The following AP2A2 variants were observed in gnomAD, a reference collection of about 807,000 sequenced individuals.
AP2A2 encodes AP-2 complex subunit alpha-2.
Under a neutral mutation model 104.2 loss-of-function variants are expected in AP2A2, and 32 were observed. The observed-to-expected ratio is 0.31, with a 90% CI of 0.23 to 0.41. The LOEUF (loss-of-function observed/expected upper bound fraction) is 0.41, where lower values mean the gene tolerates loss of function less well. Among genes scored for constraint, AP2A2 ranks in the 10% least tolerant of loss-of-function variants. The pLI is 1.00. For synonymous variants in AP2A2, 539 were observed against 533.3 expected (o/e 1.01, Z -0.15); for missense variants, 912 against 1,261.0 (o/e 0.72, Z 4.19).
intron 2 of AP2A2, among the ~76,000 whole-genome samples, chr11:969,129 G>T (rs546894155): frequency 6.6e-6 from 1 of 150,884 alleles, no homozygotes; most frequent in Non-Finnish European, 1.5e-5. Flanking sequence ...CACCTTTCTC[G>T]CTCGCCTCCA....
At chr11:930,155 A>G (rs912381036) in intron 1 of AP2A2, among the ~76,000 whole-genome samples, 15 of 151,300 alleles carry the variant, frequency 9.9e-5, no homozygotes, top group African/African-American at 3.6e-4. Context: ...CCCTGTGCCA[A>G]GTATCTGAGG....
At chr11:936,033 C>T (rs915339551) in intron 1 of AP2A2, among the ~76,000 whole-genome samples, 34 of 151,166 alleles carry the variant, frequency 2.2e-4, no homozygotes, top group Middle Eastern at 3.4e-3. Flanking sequence ...TCCCGAGTAG[C>T]TGGGACTACA....
At position 988,600 on chromosome 11, in the gene AP2A2, G is replaced by A. The variant is rs966764407; in HGVS notation, c.1180G>A (p.Ala394Thr). 5.6e-6 allele frequency: 9 copies of A among 1,613,172 alleles called. No individual in the cohort carries two copies. Among genetic ancestry groups the A allele is most frequent in the East Asian group, 2.2e-5 (1 of 44,892 alleles). Reference sequence around the variant, plus strand: ...GCAGCGGGCCGTGGACCTCCTCTACGCCATGTGCGACCGCAGCAACGCCCC... The same window carrying A: ...GCAGCGGGCCGTGGACCTCCTCTACACCATGTGCGACCGCAGCAACGCCCC... ...VRQRAVDLLY[A>T]MCDRSNAPQI... Residue 394 changes from alanine to threonine, a missense_variant, in exon 10 of 22, where the codon GCC becomes ACC. Ala to Thr is a moderately conservative substitution (Grantham distance 58, BLOSUM62 0). This residue lies in a region of AP2A2 where 350 missense variants were observed against 487.0 expected (regional missense o/e 0.72). Coordinates refer to ENST00000448903, the MANE Select transcript of AP2A2 (RefSeq NM_012305.4).
intron 8 of AP2A2, among the ~76,000 whole-genome samples, chr11:985,905 G>C (rs1373079188): frequency 6.6e-6 from 1 of 152,210 alleles, no homozygotes; most frequent in Non-Finnish European, 1.5e-5. Flanking sequence ...GGGTGTGCGC[G>C]CATGTCCCGT....
chr11:998,234 T>TC (rs1232662241), intron 14 of AP2A2, among the ~76,000 whole-genome samples: 3 of 152,166 alleles, frequency 2.0e-5, no homozygotes, highest in African/African-American at 7.2e-5. Context: ...ACCCGTGTCG[T>TC]CTTCTCTTGC....
rs557538532 is a variant in AP2A2 at position 983,585 on chromosome 11, G to C, written c.706-1060G>C. ...TTTTTAGTAGAGATGGGGTTTCACTGTGTTAGCCAGGATGGTCTCGATCTC... is the reference window on the plus strand; with the variant it reads ...TTTTTAGTAGAGATGGGGTTTCACTCTGTTAGCCAGGATGGTCTCGATCTC... On this transcript the variant is annotated intron_variant, in intron 6 of 21. Coordinates refer to ENST00000448903, the MANE Select transcript of AP2A2 (RefSeq NM_012305.4). Among the ~76,000 whole-genome samples the C allele has an allele frequency of 2.6e-5, 4 of 151,900 alleles. No homozygotes were observed. The East Asian group carries it at 7.8e-4, about 30-fold the overall frequency.
intron 6 of AP2A2, among the ~76,000 whole-genome samples, chr11:983,393 TTTA>T (rs869282274): frequency 1.1e-3 from 164 of 151,496 alleles, no homozygotes; most frequent in Non-Finnish European, 1.5e-3. Context: ...TATTTATTTA[TTTA>T]TTTTGAGATG....
At chr11:961,770 C>T (rs539875549) in intron 2 of AP2A2, among the ~76,000 whole-genome samples, 5 of 132,714 alleles carry the variant, frequency 3.8e-5, no homozygotes, top group Non-Finnish European at 6.2e-5. Context: ...AAGTAAAGGG[C>T]GGAAGCAGAT....
Position 993,995 on chromosome 11 carries a change from C to CAGA in AP2A2, c.1782+10_1782+11insAGA, listed in dbSNP as rs1433354717. 1.2e-6 allele frequency: 2 copies of CAGA among 1,609,272 alleles called. No homozygotes were observed. The highest frequency in any genetic ancestry group is 8.5e-7 in the Non-Finnish European group (1 of 1,177,446). On this transcript the variant is annotated intron_variant, in intron 13 of 21. Coordinates refer to ENST00000448903, the MANE Select transcript of AP2A2 (RefSeq NM_012305.4). This position sits in a 1 kb window ranked among gnomAD's most constrained non-coding sequence, Gnocchi z 8.2. The stretch of plus-strand genomic sequence containing the variant: ...CAGCACCGACATTCTGGTAGGAGGC[C>CAGA]CCCGCCCTTCGGGCTGGCTTGGCTG...
At chr11:964,485 G>A (rs1013230316) in intron 2 of AP2A2, among the ~76,000 whole-genome samples, 2 of 152,172 alleles carry the variant, frequency 1.3e-5, no homozygotes, top group Non-Finnish European at 2.9e-5. Flanking sequence ...GAAAAAGCTT[G>A]ATGGGGTGTT....
At chr11:954,404 GTA>G (rs2134541013) in intron 1 of AP2A2, among the ~76,000 whole-genome samples, 1 of 152,164 alleles carries the variant, frequency 6.6e-6, no homozygotes, top group African/African-American at 2.4e-5. Flanking sequence ...GTACATGTGT[GTA>G]TTTGTGTGTG....
intron 2 of AP2A2, among the ~76,000 whole-genome samples, chr11:966,683 G>A (rs1854629141): frequency 6.6e-6 from 1 of 152,186 alleles, no homozygotes; most frequent in Non-Finnish European, 1.5e-5. Context: ...CTGCCCCCGA[G>A]GGTGTGAGCC....
At chr11:980,690 G>C (rs7394992) in intron 5 of AP2A2, among the ~76,000 whole-genome samples, 77,030 of 152,128 alleles carry the variant, frequency 0.51, 20,143 homozygotes, top group Middle Eastern at 0.66. Flanking sequence ...TATGGTGGTT[G>C]AGTGACTGCC....
intron 2 of AP2A2, among the ~76,000 whole-genome samples, chr11:961,518 C>T (rs1409197466): frequency 2.1e-5 from 3 of 144,318 alleles, no homozygotes; most frequent in East Asian, 2.1e-4. Flanking sequence ...GTCTGACAGT[C>T]GCCACCACCA....
intron 16 of AP2A2, among the ~76,000 whole-genome samples, chr11:1,005,898 T>C (rs1302099783): frequency 6.6e-6 from 1 of 152,242 alleles, no homozygotes; most frequent in Non-Finnish European, 1.5e-5. Context: ...ATTTGAGATT[T>C]CCTTTCTGAA....
At chr11:961,175 C>T (rs1409611214) in intron 2 of AP2A2, among the ~76,000 whole-genome samples, 1 of 147,050 alleles carries the variant, frequency 6.8e-6, no homozygotes, top group Non-Finnish European at 1.5e-5. Context: ...GTCTGACAGC[C>T]GCCGCCACCA....
chr11:986,727 T>C, intron 8 of AP2A2, 58 bp from the exon 9 acceptor site: 2 of 1,582,976 alleles, frequency 1.3e-6, no homozygotes, highest in Non-Finnish European at 1.7e-6. Context: ...GCAGACTCTG[T>C]CCAGTTTGTG....
rs866628925 is a variant in AP2A2, at chr11:943,865, A to G, written c.68-15572A>G. ...AGATGCAGGTGGCAGCGGAGATGGCAAGAGTAAGAGAGTCCCAACTGGAGA... is the reference window on the plus strand; with the variant it reads ...AGATGCAGGTGGCAGCGGAGATGGCGAGAGTAAGAGAGTCCCAACTGGAGA... On this transcript the variant is annotated intron_variant, in intron 1 of 21. Coordinates refer to ENST00000448903, the MANE Select transcript of AP2A2 (RefSeq NM_012305.4). 1.2e-3 allele frequency among the ~76,000 whole-genome samples: 149 copies of G among 124,986 alleles called. 3 individuals carry two copies. The highest frequency in any genetic ancestry group is 4.3e-3 in the African/African-American group (140 of 32,336). The allele number at this position is 124,986 out of a possible 152,430, so 82.0% of individuals were successfully genotyped here. A position where few individuals can be genotyped will look rare whatever the true frequency, so the allele number is the denominator to read the frequency against.
chr11:928,444 A>G (rs1853186731), intron 1 of AP2A2, among the ~76,000 whole-genome samples: 1 of 152,186 alleles, frequency 6.6e-6, no homozygotes, highest in Non-Finnish European at 1.5e-5. Context: ...TGGAACGTAT[A>G]CCTGTGGATA....
Sources: gnomAD v4.1 joint callset for allele counts (sites outside exome capture counted in the v4.1 genomes callset) on GRCh38, gnomAD v4.1.1 for gene constraint, gnomAD v4.1.1 regional missense constraint, Gnocchi (gnomAD v3.1) non-coding constraint, MANE v1.5 for transcripts, NCBI Gene and HGNC (gene_info 2026-07-23, HGNC 2026-07-21) for gene names.